The following FAM227A variants were observed in gnomAD, a reference collection of about 807,000 sequenced individuals.
FAM227A encodes family with sequence similarity 227 member A.
FAM227A carries 80 observed loss-of-function variants against 74.7 expected under a neutral mutation model. That is an observed-to-expected ratio of 1.07 (90% CI 0.89 to 1.29). The LOEUF is 1.29. Among genes scored for constraint, FAM227A ranks in the 50% most tolerant of loss-of-function variants. The pLI, the probability that FAM227A is intolerant of heterozygous loss-of-function variation, is 0.00. For missense variants in FAM227A, 654 were observed against 683.4 expected (o/e 0.96, Z 0.48); for synonymous variants, 237 against 241.8 (o/e 0.98, Z 0.19).
chr22:38,587,798 C>A (rs921082520), intron 16 of FAM227A, among the ~76,000 whole-genome samples: 12 of 152,282 alleles, frequency 7.9e-5, no homozygotes, highest in African/African-American at 2.6e-4. Flanking sequence ...ATAGACCACT[C>A]TTCCTTAAGA....
At chr22:38,640,455 AAG>A (rs1257139952) in intron 3 of FAM227A, among the ~76,000 whole-genome samples, 7 of 152,090 alleles carry the variant, frequency 4.6e-5, no homozygotes, top group African/African-American at 1.4e-4. Context: ...TTGACCTCTC[AAG>A]AGAGACTTCT....
chr22:38,613,084 A>ATATATATTTATATATAAT (rs1355254094), intron 11 of FAM227A, among the ~76,000 whole-genome samples: 29 of 87,180 alleles, frequency 3.3e-4, no homozygotes, highest in African/African-American at 1.2e-3. Context: ...ATATATAATT[A>ATATATATTTATATATAAT]TATATATATA....
rs1200166676 is a variant in FAM227A at position 38,597,077 on chromosome 22, A to C, written c.1532+127T>G. 8.6e-6 allele frequency: 7 copies of C among 812,068 alleles called. No individual in the cohort carries two copies. The African/African-American group carries it at 1.2e-4, about 14-fold the overall frequency. The allele number at this position is 812,068 out of a possible 1,614,324, so 50.3% of individuals were successfully genotyped here. A position where few individuals can be genotyped will look rare whatever the true frequency, so the allele number is the denominator to read the frequency against. On this transcript the variant is annotated intron_variant, in intron 15 of 16. Transcript: ENST00000535113. ...GGAGTTTATAATCTGACCACAAGAA[A>C]GCTGATTATGCTTATGATGGTTACA...
chr22:38,605,634 A>C (rs892549063), intron 12 of FAM227A, among the ~76,000 whole-genome samples: 3 of 152,208 alleles, frequency 2.0e-5, no homozygotes, highest in Non-Finnish European at 4.4e-5. Flanking sequence ...ATAAATGCTC[A>C]TATTAGAAAA....
At chr22:38,610,759 C>T (rs776651449) in intron 11 of FAM227A, among the ~76,000 whole-genome samples, 3 of 152,162 alleles carry the variant, frequency 2.0e-5, no homozygotes, top group Non-Finnish European at 4.4e-5. Context: ...CCACGTCCTT[C>T]CACTTAGAAA....
Position 38,600,724 on chromosome 22 carries a change from G to A in FAM227A, c.1222-803C>T, listed in dbSNP as rs559984058. On this transcript the variant is annotated intron_variant, in intron 13 of 16. Coordinates refer to ENST00000535113, the MANE Select transcript of FAM227A (RefSeq NM_001013647.2). ...TGTAATCCCAGCACTTTGGGAGGCC[G>A]AAGCAGATCGCAAGATCAAGAGATT... Among the ~76,000 whole-genome samples the A allele has an allele frequency of 4.6e-5, 7 of 152,074 alleles. No individual in the cohort carries two copies. In the South Asian group the frequency reaches 6.2e-4, roughly 14 times the overall value.
chr22:38,653,349 A>G (rs2092348128), intron 1 of FAM227A, among the ~76,000 whole-genome samples: 1 of 151,890 alleles, frequency 6.6e-6, no homozygotes, highest in Non-Finnish European at 1.5e-5. Flanking sequence ...TAATAACAGT[A>G]GAAATAAAGT....
chr22:38,590,878 G>A (rs534411733), intron 16 of FAM227A, among the ~76,000 whole-genome samples: 6 of 152,056 alleles, frequency 3.9e-5, no homozygotes, highest in Admixed American at 2.0e-4. Context: ...TCCAGCTCCC[G>A]GGTTCAAGCG....
chr22:38,638,853 G>A, intron 4 of FAM227A, 31 bp from the exon 5 acceptor site: 2 of 1,420,276 alleles, frequency 1.4e-6, no homozygotes, highest in Non-Finnish European at 1.9e-6. Flanking sequence ...AGATAAATGA[G>A]TAACCACAGG....
chr22:38,603,722 C>G (rs1030802201), intron 13 of FAM227A, among the ~76,000 whole-genome samples: 6 of 152,148 alleles, frequency 3.9e-5, no homozygotes, highest in Non-Finnish European at 8.8e-5. Flanking sequence ...AAACATCAGG[C>G]CCCCAGAGGT....
intron 1 of FAM227A, among the ~76,000 whole-genome samples, chr22:38,655,783 T>G (rs948837362): frequency 3.3e-5 from 5 of 152,202 alleles, no homozygotes; most frequent in African/African-American, 1.2e-4. Context: ...CCTCTTTTAA[T>G]GCAGGGTGGT....
intron 5 of FAM227A, 122 bp from the exon 6 acceptor site, chr22:38,636,719 A>T: frequency 1.3e-6 from 1 of 763,478 alleles, no homozygotes; most frequent in Non-Finnish European, 2.0e-6. Context: ...TGAGAAAATG[A>T]GGGGTGTTTA....
chr22:38,595,084 G>A (rs1449645086), intron 15 of FAM227A, among the ~76,000 whole-genome samples: 2 of 152,090 alleles, frequency 1.3e-5, no homozygotes, highest in Non-Finnish European at 2.9e-5. Flanking sequence ...GCGACAGAGC[G>A]AGACTCCATC....
chr22:38,626,148 G>A (rs775009912), intron 9 of FAM227A, 32 bp downstream of exon 9: 80 of 1,547,406 alleles, frequency 5.2e-5, no homozygotes, highest in Non-Finnish European at 6.7e-5. Context: ...TTCTAGAATC[G>A]CTTTCCCCGG....
chr22:38,615,384 A>G (rs897030901), intron 11 of FAM227A, among the ~76,000 whole-genome samples: 19 of 152,198 alleles, frequency 1.2e-4, no homozygotes, highest in African/African-American at 4.3e-4. Flanking sequence ...CAACAGGAAG[A>G]TAAGTACTGT....
At chr22:38,598,042 CAAAAAAAAAAA>C (rs59018974) in intron 14 of FAM227A, among the ~76,000 whole-genome samples, 1 of 83,818 alleles carries the variant, frequency 1.2e-5, no homozygotes, top group Non-Finnish European at 2.3e-5. Context: ...GACTCTGTCT[CAAAAAAAAAAA>C]AAAAAAAGAA....
At position 38,599,934 on chromosome 22, in the gene FAM227A, G is replaced by A. The variant is rs1247095194; in HGVS notation, c.1222-13C>T. 3.3e-6 allele frequency: 5 copies of A among 1,519,738 alleles called. No homozygotes were observed. Among genetic ancestry groups the A allele is most frequent in the South Asian group, 2.5e-5 (2 of 79,156 alleles). The allele number at this position is 1,519,738 out of a possible 1,614,324, so 94.1% of individuals were successfully genotyped here. ...AGGCAGCACACGACTAAGGATGAAA[G>A]AAAAAGGAAAAATAAAGGATATTGT... On this transcript the variant is annotated splice_polypyrimidine_tract_variant and intron_variant, in intron 13 of 16. Coordinates refer to ENST00000535113, the MANE Select transcript of FAM227A (RefSeq NM_001013647.2).
Position 38,591,589 on chromosome 22 carries a change from A to G in FAM227A, c.1533-49T>C, listed in dbSNP as rs969469344. 13 of 1,295,916 alleles carry G rather than the reference A, an allele frequency of 1.0e-5. No individual in the cohort carries two copies. In the South Asian group the frequency reaches 1.9e-4, roughly 19 times the overall value. The allele number at this position is 1,295,916 out of a possible 1,614,324, so 80.3% of individuals were successfully genotyped here. ...ATGGAAAAAGGCTGGAGTGATTAAC[A>G]TGTCCTCAATGTTCTGTATGTCCTA... On this transcript the variant is annotated intron_variant, in intron 15 of 16. Transcript: ENST00000535113.
chr22:38,633,122 G>A (rs1246325925), intron 6 of FAM227A, among the ~76,000 whole-genome samples: 1 of 152,230 alleles, frequency 6.6e-6, no homozygotes, highest in Non-Finnish European at 1.5e-5. Flanking sequence ...AGTGAGGGGA[G>A]GTAACGGAGG....
Sources: allele counts gnomAD v4.1 joint callset (sites outside exome capture counted in the v4.1 genomes callset), GRCh38; gene constraint gnomAD v4.1.1; transcripts MANE v1.5; gene names NCBI Gene and HGNC (gene_info 2026-07-23, HGNC 2026-07-21).